The following EFNA5 variants were observed in gnomAD, a reference collection of about 807,000 sequenced individuals.
The protein encoded by EFNA5 is ephrin A5, also known as ephrin-A5.
In EFNA5, 5 loss-of-function variants were observed where a neutral mutation model predicts 22.9. The observed-to-expected ratio is 0.22, with a 90% CI of 0.11 to 0.46. The LOEUF is 0.46. Ranked by LOEUF, EFNA5 falls within the 20% of genes least tolerant of loss-of-function variation. The pLI is 0.99. For synonymous variants in EFNA5, 113 were observed against 112.2 expected (o/e 1.01, Z -0.04); for missense variants, 237 against 293.3 (o/e 0.81, Z 1.40).
intron 1 of EFNA5, among the ~76,000 whole-genome samples, chr5:107,536,379 T>A (rs1747929312): frequency 6.6e-6 from 1 of 152,196 alleles, no homozygotes; most frequent in Non-Finnish European, 1.5e-5. Context: ...GATTAACATA[T>A]AACTAGGGCA....
intron 1 of EFNA5, among the ~76,000 whole-genome samples, chr5:107,600,698 G>A (rs1413811244): frequency 6.6e-6 from 1 of 151,830 alleles, no homozygotes; most frequent in Non-Finnish European, 1.5e-5. Context: ...ACGTTGGCCA[G>A]CCTGGTCTCA....
At chr5:107,579,458 C>T (rs1748995256) in intron 1 of EFNA5, among the ~76,000 whole-genome samples, 1 of 151,884 alleles carries the variant, frequency 6.6e-6, no homozygotes, top group South Asian at 2.1e-4. Context: ...TTTCTTTATC[C>T]ACAGTGTTTC....
At chr5:107,594,702 T>G (rs1242215001) in intron 1 of EFNA5, among the ~76,000 whole-genome samples, 1 of 152,204 alleles carries the variant, frequency 6.6e-6, no homozygotes. Flanking sequence ...AACCATTTTC[T>G]AATCCTTCCC....
At chr5:107,633,532 T>C (rs537113747) in intron 1 of EFNA5, among the ~76,000 whole-genome samples, 1 of 152,352 alleles carries the variant, frequency 6.6e-6, no homozygotes, top group Admixed American at 6.5e-5. Flanking sequence ...TTTCTAACTT[T>C]TCCACTTGTG....
intron 1 of EFNA5, among the ~76,000 whole-genome samples, chr5:107,663,307 A>G (rs1401255629): frequency 6.6e-6 from 1 of 152,136 alleles, no homozygotes; most frequent in African/African-American, 2.4e-5. Flanking sequence ...TATTTTTTCT[A>G]ATCTCTAAGT....
intron 2 of EFNA5, among the ~76,000 whole-genome samples, chr5:107,413,043 A>C (rs1748412670): frequency 6.6e-6 from 1 of 152,184 alleles, no homozygotes; most frequent in Non-Finnish European, 1.5e-5. Context: ...TTCAAATATC[A>C]ATATTAAGAA....
intron 1 of EFNA5, among the ~76,000 whole-genome samples, chr5:107,602,821 C>G (rs955099529): frequency 7.9e-6 from 1 of 126,226 alleles, no homozygotes; most frequent in Non-Finnish European, 1.7e-5. Flanking sequence ...GAAATGATCA[C>G]AAAGGAGGAA....
intron 3 of EFNA5, 26 bp downstream of exon 3, chr5:107,387,674 CCACCCT>C: frequency 6.4e-7 from 1 of 1,552,052 alleles, no homozygotes; most frequent in Non-Finnish European, 8.8e-7. Context: ...CGCGGTGAAG[CCACCCT>C]CTGAAGCTCA....
At chr5:107,645,448 G>A (rs922181283) in intron 1 of EFNA5, among the ~76,000 whole-genome samples, 2 of 152,180 alleles carry the variant, frequency 1.3e-5, no homozygotes, top group Non-Finnish European at 2.9e-5. Flanking sequence ...TAATAACTCT[G>A]CCAAATTTAT....
intron 1 of EFNA5, among the ~76,000 whole-genome samples, chr5:107,488,418 T>A (rs1280858345): frequency 6.6e-6 from 1 of 152,220 alleles, no homozygotes; most frequent in Non-Finnish European, 1.5e-5. Flanking sequence ...AAAGAAATGA[T>A]GTGCTAGACT....
chr5:107,614,401 A>G (rs62355651), intron 1 of EFNA5, among the ~76,000 whole-genome samples: 27,171 of 152,184 alleles, frequency 0.18, 3,178 homozygotes, highest in South Asian at 0.45. Context: ...TCATATACAA[A>G]GTATTACCTT....
chr5:107,476,937 G>T (rs544469095), intron 1 of EFNA5, among the ~76,000 whole-genome samples: 9 of 152,278 alleles, frequency 5.9e-5, no homozygotes, highest in Admixed American at 4.6e-4. Flanking sequence ...CAGACATAAA[G>T]TGGACAGGAA....
At chr5:107,594,778 C>A (rs145595838) in intron 1 of EFNA5, among the ~76,000 whole-genome samples, 1 of 152,166 alleles carries the variant, frequency 6.6e-6, no homozygotes. Context: ...TGTTTTACCC[C>A]GTATGCACTG....
chr5:107,511,542 A>T (rs1580504477), intron 1 of EFNA5, among the ~76,000 whole-genome samples: 1 of 152,328 alleles, frequency 6.6e-6, no homozygotes, highest in East Asian at 1.9e-4. Flanking sequence ...ATCCTAAAAA[A>T]TACACTGATT....
intron 1 of EFNA5, among the ~76,000 whole-genome samples, chr5:107,442,871 T>G (rs900579496): frequency 6.7e-6 from 1 of 149,518 alleles, no homozygotes; most frequent in South Asian, 2.1e-4. Flanking sequence ...CAGATGGTAT[T>G]TCCCCCCAAG....
chr5:107,492,141 T>C (rs540897427), intron 1 of EFNA5, among the ~76,000 whole-genome samples: 3 of 152,268 alleles, frequency 2.0e-5, no homozygotes, highest in Admixed American at 1.3e-4. Context: ...GGCCTAAAAA[T>C]GTAATTTTAA....
intron 1 of EFNA5, among the ~76,000 whole-genome samples, chr5:107,633,210 G>A (rs73200642): frequency 0.033 from 5,080 of 152,186 alleles, 304 homozygotes; most frequent in African/African-American, 0.12. Context: ...GTCCTTTCCC[G>A]AAGTGAACTA....
At chr5:107,608,593 T>C (rs1253103789) in intron 1 of EFNA5, among the ~76,000 whole-genome samples, 1 of 152,180 alleles carries the variant, frequency 6.6e-6, no homozygotes, top group Non-Finnish European at 1.5e-5. Flanking sequence ...AGCAGCAAGG[T>C]CCTGAGCTCC....
chr5:107,477,024 A>G (rs1750331477), intron 1 of EFNA5, among the ~76,000 whole-genome samples: 1 of 152,188 alleles, frequency 6.6e-6, no homozygotes, highest in Non-Finnish European at 1.5e-5. Context: ...TTGTATCACT[A>G]TGTGCTAGGT....
Sources: gnomAD v4.1 joint callset for allele counts (sites outside exome capture counted in the v4.1 genomes callset) on GRCh38, gnomAD v4.1.1 for gene constraint, MANE v1.5 for transcripts, NCBI Gene and HGNC (gene_info 2026-07-23, HGNC 2026-07-21) for gene names.